The following CPD variants were observed in gnomAD, a reference collection of about 807,000 sequenced individuals.
CPD encodes the protein metallocarboxypeptidase D.
In CPD, 69 loss-of-function variants were observed where a neutral mutation model predicts 138.3. That is an observed-to-expected ratio of 0.50 (90% CI 0.41 to 0.61). CPD has a LOEUF of 0.61. CPD is among the 20% of genes least tolerant of loss of function. CPD has a pLI of 0.00. For synonymous variants in CPD, 651 were observed against 642.1 expected (o/e 1.01, Z -0.21); for missense variants, 1,432 against 1,733.3 (o/e 0.83, Z 3.09).
chr17:30,386,297 G>A (rs1294652858), intron 2 of CPD, among the ~76,000 whole-genome samples: 1 of 152,056 alleles, frequency 6.6e-6, no homozygotes, highest in African/African-American at 2.4e-5. Flanking sequence ...CCAAAGTGCT[G>A]GGATTATAGA....
chr17:30,428,691 A>C (rs576286325), intron 7 of CPD, among the ~76,000 whole-genome samples: 1 of 152,120 alleles, frequency 6.6e-6, no homozygotes, highest in East Asian at 1.9e-4. Context: ...TAGATTAAAG[A>C]TTGTATTGGG....
At position 30,379,827 on chromosome 17, in the gene CPD, G is replaced by T; in HGVS notation, c.746+101G>T. 1 of 870,252 alleles carries T rather than the reference G, an allele frequency of 1.1e-6. No homozygotes were observed. The highest frequency in any genetic ancestry group is 1.6e-6 in the Non-Finnish European group (1 of 631,916). 53.9% of individuals were successfully genotyped at this position (870,252 alleles called of 1,614,324 possible). On this transcript the variant is annotated intron_variant, in intron 1 of 20. Coordinates refer to ENST00000225719, the MANE Select transcript of CPD (RefSeq NM_001304.5). This position sits in a 1 kb window ranked among gnomAD's most constrained non-coding sequence, Gnocchi z 7.0. Reference sequence around the variant, plus strand: ...TCAGACAATGCTGGCATAAGGGGTGGCGGTGGTGAAGGTGAAGGGAGACAC... The same window carrying T: ...TCAGACAATGCTGGCATAAGGGGTGTCGGTGGTGAAGGTGAAGGGAGACAC...
chr17:30,430,147 A>T (rs1480315424), intron 7 of CPD, among the ~76,000 whole-genome samples: 1 of 152,104 alleles, frequency 6.6e-6, no homozygotes, highest in Non-Finnish European at 1.5e-5. Flanking sequence ...TTTGATACTA[A>T]TTTTTTTATT....
intron 2 of CPD, among the ~76,000 whole-genome samples, chr17:30,390,145 C>T (rs542143179): frequency 6.6e-6 from 1 of 151,976 alleles, no homozygotes. Context: ...GCCTCTTGAG[C>T]AGCTGGGATT....
intron 8 of CPD, among the ~76,000 whole-genome samples, chr17:30,437,940 T>A (rs542099943): frequency 4.4e-4 from 66 of 151,418 alleles, no homozygotes; most frequent in Non-Finnish European, 8.8e-4. Context: ...GGGGTCAAGC[T>A]ATTTTCCCAT....
intron 12 of CPD, among the ~76,000 whole-genome samples, chr17:30,446,322 C>A (rs1187121496): frequency 6.6e-6 from 1 of 152,054 alleles, no homozygotes; most frequent in Non-Finnish European, 1.5e-5. Flanking sequence ...CTATCCCTCC[C>A]CCCTACCCCT....
chr17:30,444,170 G>C, intron 11 of CPD, 199 bp downstream of exon 11: 1 of 457,560 alleles, frequency 2.2e-6, no homozygotes, highest in Non-Finnish European at 3.9e-6. Context: ...AAAGATTCCT[G>C]GGGTAAATAT....
chr17:30,455,927 G>C (rs1286256822), intron 15 of CPD: 1 of 299,960 alleles, frequency 3.3e-6, no homozygotes. Flanking sequence ...GAGATAGTTT[G>C]GGTGGTTTTC....
intron 12 of CPD, among the ~76,000 whole-genome samples, chr17:30,447,957 C>T (rs750998671): frequency 2.6e-5 from 4 of 152,204 alleles, no homozygotes; most frequent in Admixed American, 2.0e-4. Flanking sequence ...TGCTGCAAAC[C>T]TCATGAACAT....
At chr17:30,446,937 A>AT (rs1168867270) in intron 12 of CPD, among the ~76,000 whole-genome samples, 2 of 152,116 alleles carry the variant, frequency 1.3e-5, no homozygotes. Flanking sequence ...GATGATGAGC[A>AT]TTTTTTTGTG....
chr17:30,429,162 G>C (rs1912498633), intron 7 of CPD, among the ~76,000 whole-genome samples: 1 of 152,062 alleles, frequency 6.6e-6, no homozygotes. Context: ...GAACTATGAA[G>C]TTATACCCTG....
At chr17:30,382,078 A>T (rs1270300805) in intron 1 of CPD, among the ~76,000 whole-genome samples, 2 of 152,212 alleles carry the variant, frequency 1.3e-5, no homozygotes, top group Non-Finnish European at 2.9e-5. Context: ...AAATTTTCAT[A>T]GGTAATTAGC....
In CPD at chr17:30,469,649, A is replaced by T. The variant is rs1257763426; in HGVS notation, c.*4835A>T. 6.6e-6 allele frequency: 1 copy of T among 152,166 alleles called. No individual in the cohort carries two copies. Among genetic ancestry groups the T allele is most frequent in the African/African-American group, 2.4e-5 (1 of 41,454 alleles). 9.4% of individuals were successfully genotyped at this position (152,166 alleles called of 1,614,324 possible). A position where few individuals can be genotyped will look rare whatever the true frequency, so the allele number is the denominator to read the frequency against. ...ATTCTGAGACACAAATAAAAAAAGA[A>T]ATTTTTTATTATGTGGTTCAATAGA... On this transcript the variant is annotated 3_prime_UTR_variant, in exon 21 of 21. Coordinates refer to ENST00000225719, the MANE Select transcript of CPD (RefSeq NM_001304.5).
rs982389314 is a variant in CPD, at chr17:30,468,637, A to C, written c.*3823A>C. On this transcript the variant is annotated 3_prime_UTR_variant, in exon 21 of 21. Coordinates refer to ENST00000225719, the MANE Select transcript of CPD (RefSeq NM_001304.5). ...TAATGAGGTCCTTTCTGTTTTTTATATGTAAACAGATCTACTAATCCTGTA... is the reference window on the plus strand; with the variant it reads ...TAATGAGGTCCTTTCTGTTTTTTATCTGTAAACAGATCTACTAATCCTGTA... The C allele has an allele frequency of 6.6e-6, 1 of 152,636 alleles. No homozygotes were observed. Among genetic ancestry groups the C allele is most frequent in the African/African-American group, 2.4e-5 (1 of 41,452 alleles). The allele number at this position is 152,636 out of a possible 1,614,324, so 9.5% of individuals were successfully genotyped here. A position where few individuals can be genotyped will look rare whatever the true frequency, so the allele number is the denominator to read the frequency against.
intron 2 of CPD, among the ~76,000 whole-genome samples, chr17:30,410,986 T>C (rs577511827): frequency 1.3e-5 from 2 of 152,316 alleles, no homozygotes; most frequent in Non-Finnish European, 1.5e-5. Context: ...GTTTTTGCGG[T>C]GGCTGGTACT....
chr17:30,428,964 G>T (rs1294787528), intron 7 of CPD, among the ~76,000 whole-genome samples: 2 of 152,050 alleles, frequency 1.3e-5, no homozygotes, highest in African/African-American at 4.8e-5. Flanking sequence ...ATATCCAGAA[G>T]TACCATAGTG....
At chr17:30,414,776 A>G (rs1912062547) in intron 2 of CPD, among the ~76,000 whole-genome samples, 1 of 152,218 alleles carries the variant, frequency 6.6e-6, no homozygotes, top group Non-Finnish European at 1.5e-5. Flanking sequence ...CAACTATTTA[A>G]TAGAAGAATG....
At chr17:30,438,000 CTT>C (rs963626144) in intron 8 of CPD, among the ~76,000 whole-genome samples, 171 of 89,408 alleles carry the variant, frequency 1.9e-3, no homozygotes, top group African/African-American at 7.8e-3. Context: ...CCATGTGTGG[CTT>C]TTTTTTTTTT....
Position 30,439,088 on chromosome 17 carries a change from T to C in CPD, c.2230+11T>C, listed in dbSNP as rs779762779. Reference sequence around the variant, plus strand: ...GGTATAATGTGCCAGGTAAAGATTCTTTTATATCAAGGCCTTACAACTTGA... The same window carrying C: ...GGTATAATGTGCCAGGTAAAGATTCCTTTATATCAAGGCCTTACAACTTGA... On this transcript the variant is annotated intron_variant, in intron 9 of 20. Coordinates refer to ENST00000225719, the MANE Select transcript of CPD (RefSeq NM_001304.5). 1 of 1,521,258 alleles carries C rather than the reference T, an allele frequency of 6.6e-7. No homozygotes were observed. The highest frequency in any genetic ancestry group is 8.9e-7 in the Non-Finnish European group (1 of 1,117,842). 94.2% of individuals were successfully genotyped at this position (1,521,258 alleles called of 1,614,324 possible). A position where few individuals can be genotyped will look rare whatever the true frequency, so the allele number is the denominator to read the frequency against.
Sources: gnomAD v4.1 joint callset for allele counts (sites outside exome capture counted in the v4.1 genomes callset) on GRCh38, gnomAD v4.1.1 for gene constraint, Gnocchi (gnomAD v3.1) non-coding constraint, MANE v1.5 for transcripts, NCBI Gene and HGNC (gene_info 2026-07-23, HGNC 2026-07-21) for gene names.